Variants in SLC4A7 observed in about 807,000 individuals in gnomAD.
SLC4A7 encodes sodium bicarbonate cotransporter 3.
In SLC4A7, 51 loss-of-function variants were observed where a neutral mutation model predicts 137.6. That is an observed-to-expected ratio of 0.37 (90% confidence interval 0.30 to 0.47). SLC4A7 has a LOEUF of 0.47. Ranked by LOEUF, SLC4A7 falls within the 20% of genes least tolerant of loss-of-function variation. The probability of loss-of-function intolerance (pLI) is 1.00; values close to 1 mark genes in which losing one functional copy is unlikely to be tolerated. For missense variants in SLC4A7, 1,247 were observed against 1,525.4 expected, an observed-to-expected ratio of 0.82 and a Z score of 3.04; for synonymous variants, 542 against 518.6, an observed-to-expected ratio of 1.05 and a Z score of -0.61.
chr3:27,374,938 C>T lies in SLC4A7; in HGVS notation c.*1826G>A, dbSNP rs1376871699. The T allele has an allele frequency of 6.6e-6, 1 of 152,366 alleles. No homozygotes were observed. Among genetic ancestry groups the T allele is most frequent in the Non-Finnish European group, 1.5e-5 (1 of 67,880 alleles). The allele number at this position is 152,366 out of a possible 1,614,324, so 9.4% of individuals were successfully genotyped here. ...ATGGAAGCTCATAAACAATAATAAG[C>T]ACCGTGGGTAATACTCTATCAATTG... On this transcript the variant is annotated 3_prime_UTR_variant, in exon 26 of 26. Coordinates refer to ENST00000454389, the MANE Select transcript of SLC4A7 (RefSeq NM_001321103.2).
Position 27,391,796 on chromosome 3 carries a change from G to A in SLC4A7, c.3130C>T (p.Pro1044Ser). ...TAAAGGAAAACACCATACAGAACAG[G>A]CATTGGAATAAACTGTAAATAAAAT... The part of the protein sequence containing the change: ...MTSVLKFIPM[P>S]VLYGVFLYMG... The change falls in exon 21 of 26, where the codon CCT becomes TCT. Residue 1044 changes from proline (P) to serine (S), a missense_variant. Around this residue, in one of 6 missense-constraint regions of SLC4A7, gnomAD observed 290 missense variants for 323.8 expected, o/e 0.90. Transcript: ENST00000454389. 1 of 1,589,852 alleles carries A rather than the reference G, an allele frequency of 6.3e-7. No homozygotes were observed. Among genetic ancestry groups the A allele is most frequent in the Non-Finnish European group, 8.6e-7 (1 of 1,162,974 alleles).
intron 1 of SLC4A7, among the ~76,000 whole-genome samples, chr3:27,483,235 G>T (rs1220100180): frequency 6.6e-6 from 1 of 152,262 alleles, no homozygotes; most frequent in Non-Finnish European, 1.5e-5. Flanking sequence ...TCTTGAGCAT[G>T]GGCCGTTCAC....
intron 1 of SLC4A7, among the ~76,000 whole-genome samples, chr3:27,453,979 G>A (rs1382210076): frequency 6.6e-6 from 1 of 152,136 alleles, no homozygotes; most frequent in East Asian, 1.9e-4. Flanking sequence ...AGGAGTGGGA[G>A]CAGGCCATGT....
At chr3:27,462,789 T>A (rs1366375024) in intron 1 of SLC4A7, 1 of 152,390 alleles carries the variant, frequency 6.6e-6, no homozygotes, top group African/African-American at 2.4e-5. Flanking sequence ...CATTAGTAAT[T>A]GAGGCTGAAG....
intron 15 of SLC4A7, among the ~76,000 whole-genome samples, chr3:27,401,438 A>C (rs1314608592): frequency 1.3e-5 from 2 of 152,240 alleles, no homozygotes; most frequent in Admixed American, 6.5e-5. Context: ...AACTACCTAA[A>C]GCTAGAACAC....
intron 1 of SLC4A7, among the ~76,000 whole-genome samples, chr3:27,478,319 A>C (rs1416457230): frequency 1.3e-5 from 2 of 151,910 alleles, no homozygotes; most frequent in Non-Finnish European, 2.9e-5. Context: ...GGAGTTCGAG[A>C]CCAGCCTGGC....
chr3:27,406,074 C>G (rs1050695196), intron 13 of SLC4A7, among the ~76,000 whole-genome samples: 3 of 152,120 alleles, frequency 2.0e-5, no homozygotes, highest in Admixed American at 1.3e-4. Context: ...AAAAGAAGCT[C>G]GTAAGAAACA....
chr3:27,445,416 G>T (rs982953786), intron 3 of SLC4A7, among the ~76,000 whole-genome samples: 1 of 152,026 alleles, frequency 6.6e-6, no homozygotes, highest in African/African-American at 2.4e-5. Context: ...AATAAGTTCA[G>T]GTCATCATAG....
At chr3:27,478,898 G>A (rs1258836018) in intron 1 of SLC4A7, among the ~76,000 whole-genome samples, 1 of 151,678 alleles carries the variant, frequency 6.6e-6, no homozygotes, top group Non-Finnish European at 1.5e-5. Flanking sequence ...CCAGCTACTG[G>A]GGAGGCTGAG....
chr3:27,386,046 T>G, intron 22 of SLC4A7, 23 bp from the exon 23 acceptor site: 1 of 1,574,196 alleles, frequency 6.4e-7, no homozygotes, highest in Non-Finnish European at 8.6e-7. Context: ...GGGAAGGAAA[T>G]ATTAAGTAAC....
intron 22 of SLC4A7, among the ~76,000 whole-genome samples, chr3:27,389,457 A>C (rs1245369423): frequency 6.6e-6 from 1 of 152,174 alleles, no homozygotes; most frequent in Non-Finnish European, 1.5e-5. Context: ...TTACAGAAGA[A>C]TGTACATTCT....
At chr3:27,440,218 C>T (rs2057079674) in intron 3 of SLC4A7, among the ~76,000 whole-genome samples, 1 of 152,130 alleles carries the variant, frequency 6.6e-6, no homozygotes, top group Admixed American at 6.6e-5. Flanking sequence ...CTGGTTCCTT[C>T]TGGAGGCTCT....
intron 21 of SLC4A7, among the ~76,000 whole-genome samples, chr3:27,391,195 TAAAAC>T (rs1460135831): frequency 6.6e-6 from 1 of 152,184 alleles, no homozygotes; most frequent in African/African-American, 2.4e-5. Flanking sequence ...CAGTAACTAT[TAAAAC>T]AAAACAAAAT....
chr3:27,406,124 A>G (rs754390443), intron 13 of SLC4A7, among the ~76,000 whole-genome samples: 4 of 152,220 alleles, frequency 2.6e-5, no homozygotes, highest in Non-Finnish European at 4.4e-5. Flanking sequence ...ACAGGCAAAG[A>G]GGAGGGCTTC....
intron 23 of SLC4A7, among the ~76,000 whole-genome samples, chr3:27,385,684 GACTAC>G (rs2050868035): frequency 6.6e-6 from 1 of 152,102 alleles, no homozygotes; most frequent in Non-Finnish European, 1.5e-5. Flanking sequence ...ATGGTGAAGA[GACTAC>G]ATTTGGAACA....
chr3:27,434,207 G>C, intron 5 of SLC4A7, 103 bp from the exon 6 acceptor site: 1 of 700,448 alleles, frequency 1.4e-6, no homozygotes, highest in Non-Finnish European at 2.2e-6. Context: ...ACCTTAAATA[G>C]CTCTAGAAAG....
chr3:27,470,348 G>A (rs773425943), intron 1 of SLC4A7, among the ~76,000 whole-genome samples: 2 of 150,978 alleles, frequency 1.3e-5, no homozygotes, highest in African/African-American at 2.4e-5. Context: ...TAATATACAT[G>A]GAACAAGTAA....
At chr3:27,403,699 T>C (rs1239199419) in intron 14 of SLC4A7, among the ~76,000 whole-genome samples, 1 of 152,134 alleles carries the variant, frequency 6.6e-6, no homozygotes, top group East Asian at 1.9e-4. Context: ...GCTCACTTTA[T>C]AAATCAGTTA....
chr3:27,387,640 T>C (rs2051111074), intron 22 of SLC4A7, among the ~76,000 whole-genome samples: 1 of 152,186 alleles, frequency 6.6e-6, no homozygotes, highest in Non-Finnish European at 1.5e-5. Context: ...CCCTTAATAC[T>C]GTTATTGATT....
Sources: gnomAD v4.1 joint callset for allele counts (sites outside exome capture counted in the v4.1 genomes callset) on GRCh38, gnomAD v4.1.1 for gene constraint, gnomAD v4.1.1 regional missense constraint, MANE v1.5 for transcripts, NCBI Gene and HGNC (gene_info 2026-07-23, HGNC 2026-07-21) for gene names.